ITGAM: variants seen among roughly 807,000 people sequenced by gnomAD.
The protein encoded by ITGAM is integrin alpha-M.
Under a neutral mutation model 137.5 loss-of-function variants are expected in ITGAM, and 79 were observed. The ratio of observed to expected loss-of-function variants is 0.57; its 90% CI spans 0.48 to 0.69. The LOEUF (loss-of-function observed/expected upper bound fraction) is 0.69, where lower values mean the gene tolerates loss of function less well. ITGAM is among the 30% of genes least tolerant of loss of function. The pLI, the probability that ITGAM is intolerant of heterozygous loss-of-function variation, is 0.00. For missense variants in ITGAM, 1,343 were observed against 1,483.5 expected, an observed-to-expected ratio of 0.91 and a Z score of 1.56; for synonymous variants, 583 against 592.3, an observed-to-expected ratio of 0.98 and a Z score of 0.23.
At chr16:31,265,717 C>G in intron 3 of ITGAM, 94 bp from the exon 4 acceptor site, 2 of 1,087,156 alleles carry the variant, frequency 1.8e-6, no homozygotes, top group Non-Finnish European at 2.7e-6. Flanking sequence ...GTCAGACCTC[C>G]TTGTCTCCCG....
At chr16:31,278,982 GCA>G (rs879649803) in intron 12 of ITGAM, among the ~76,000 whole-genome samples, 26,480 of 152,048 alleles carry the variant, frequency 0.17, 2,864 homozygotes, top group African/African-American at 0.3. Context: ...GTGAGAACAT[GCA>G]GTGTTTGGTT....
At chr16:31,297,374 A>G (rs1040367444) in intron 12 of ITGAM, 140 bp from the exon 13 acceptor site, 2 of 1,136,790 alleles carry the variant, frequency 1.8e-6, no homozygotes, top group Non-Finnish European at 2.5e-6. Flanking sequence ...TCAAGTGATA[A>G]TTTATCATGA....
At chr16:31,327,818 C>A (rs1219130433) in intron 22 of ITGAM, among the ~76,000 whole-genome samples, 1 of 151,842 alleles carries the variant, frequency 6.6e-6, no homozygotes, top group Non-Finnish European at 1.5e-5. Context: ...AAATGACTGA[C>A]GGGTGTTGTT....
intron 14 of ITGAM, among the ~76,000 whole-genome samples, chr16:31,310,083 T>C (rs1304095552): frequency 1.3e-5 from 2 of 150,926 alleles, no homozygotes; most frequent in Non-Finnish European, 1.5e-5. Flanking sequence ...CTGATGGGCT[T>C]CCCTTTGTGG....
intron 12 of ITGAM, among the ~76,000 whole-genome samples, chr16:31,282,538 A>C (rs1017158840): frequency 3.3e-5 from 5 of 152,186 alleles, no homozygotes; most frequent in Non-Finnish European, 7.4e-5. Context: ...CTAGGATTGC[A>C]ACCCCTGGTT....
chr16:31,321,042 G>A (rs2080443995), intron 14 of ITGAM, among the ~76,000 whole-genome samples, 199 bp from the exon 15 acceptor site: 1 of 152,152 alleles, frequency 6.6e-6, no homozygotes, highest in East Asian at 1.9e-4. Flanking sequence ...GAAATTGTAG[G>A]TATCCTCTTG....
In ITGAM at chr16:31,321,681, G is replaced by A. The variant is rs375011941; in HGVS notation, c.2002+54G>A. The A allele has an allele frequency of 5.8e-6, 9 of 1,562,592 alleles. No individual in the cohort carries two copies. The South Asian group carries it at 8.2e-5, about 14-fold the overall frequency. ...GTTAAACGACCGAGGACATGAATGG[G>A]TGCTGCAATCCACTCTGCCCAGCCT... On this transcript the variant is annotated intron_variant, in intron 16 of 29. Transcript: ENST00000544665.
intron 14 of ITGAM, among the ~76,000 whole-genome samples, chr16:31,316,951 T>C (rs8064069): frequency 1 from 152,320 of 152,340 alleles, 76,150 homozygotes; most frequent in Middle Eastern, 1. Flanking sequence ...TTGTATTCCA[T>C]GACTTTACTA....
rs2079763605 is a variant in ITGAM, at chr16:31,266,077, G to A, written c.357G>A (p.Val119=). ...VHQTCSENTY[V]KGLCFLFGSN... Reference sequence around the variant, plus strand: ...AGACTTGCAGTGAGAACACGTATGTGAAAGGGCTCTGCTTCCTGTTTGGAT... The same window carrying A: ...AGACTTGCAGTGAGAACACGTATGTAAAAGGGCTCTGCTTCCTGTTTGGAT... The change falls in exon 5 of 30, where the codon GTG becomes GTA. Residue 119 remains valine (V), a synonymous_variant. Transcript: ENST00000544665. The A allele has an allele frequency of 6.2e-7, 1 of 1,613,926 alleles. No homozygotes were observed. The highest frequency in any genetic ancestry group is 8.5e-7 in the Non-Finnish European group (1 of 1,179,892).
intron 23 of ITGAM, among the ~76,000 whole-genome samples, chr16:31,328,576 T>C (rs1163620818): frequency 6.6e-6 from 1 of 150,852 alleles, no homozygotes; most frequent in African/African-American, 2.4e-5. Flanking sequence ...TGTGCATGGG[T>C]GTGTATTTGT....
At position 31,297,729 on chromosome 16, in the gene ITGAM, T is replaced by C. The variant is rs962053504; in HGVS notation, c.1498-16T>C. Reference sequence around the variant, plus strand: ...GGTCGCCTGGGTTGGGGCCTGATACTGTTTGTGTTTAGCAGAGGGCTCGGT... The same window carrying C: ...GGTCGCCTGGGTTGGGGCCTGATACCGTTTGTGTTTAGCAGAGGGCTCGGT... On this transcript the variant is annotated splice_polypyrimidine_tract_variant and intron_variant, in intron 13 of 29. Transcript: ENST00000544665. 12 of 1,595,706 alleles carry C rather than the reference T, an allele frequency of 7.5e-6. No individual in the cohort carries two copies. The East Asian group carries it at 2.7e-4, about 36-fold the overall frequency.
At chr16:31,308,381 A>G (rs1167315479) in intron 14 of ITGAM, among the ~76,000 whole-genome samples, 1 of 151,702 alleles carries the variant, frequency 6.6e-6, no homozygotes, top group Non-Finnish European at 1.5e-5. Context: ...GTCTTGGGAG[A>G]GTGTATGTGT....
intron 12 of ITGAM, among the ~76,000 whole-genome samples, chr16:31,297,296 A>G (rs2080144218): frequency 6.6e-6 from 1 of 152,088 alleles, no homozygotes; most frequent in South Asian, 2.1e-4. Flanking sequence ...CCCCCCGAGG[A>G]GCTGGGATTA....
chr16:31,307,004 A>G (rs981157313), intron 14 of ITGAM, among the ~76,000 whole-genome samples: 1 of 152,194 alleles, frequency 6.6e-6, no homozygotes, highest in African/African-American at 2.4e-5. Context: ...TGTGTCACAA[A>G]AGAAAAAAAG....
chr16:31,297,740 AGCAGAGG>A lies in ITGAM; in HGVS notation c.1498-2_1502del. 6.3e-7 allele frequency: 1 copy of A among 1,594,716 alleles called. No homozygotes were observed. Among genetic ancestry groups the A allele is most frequent in the Non-Finnish European group, 8.5e-7 (1 of 1,172,418 alleles). ...TTGGGGCCTGATACTGTTTGTGTTT[AGCAGAGG>A]GCTCGGTGGCAGTGTGATGCTGTTC... On this transcript the variant is annotated splice_acceptor_variant and splice_polypyrimidine_tract_variant and coding_sequence_variant and intron_variant, in exon 14 of 30. Coordinates refer to ENST00000544665, the MANE Select transcript of ITGAM (RefSeq NM_000632.4). LOFTEE classifies it high-confidence loss of function.
At chr16:31,280,438 G>C (rs1159669576) in intron 12 of ITGAM, among the ~76,000 whole-genome samples, 7 of 152,222 alleles carry the variant, frequency 4.6e-5, no homozygotes, top group Middle Eastern at 3.4e-3. Flanking sequence ...AGTTCTCCTT[G>C]AAGAGGTCCT....
intron 2 of ITGAM, among the ~76,000 whole-genome samples, chr16:31,262,941 T>C (rs2079721751): frequency 1.3e-5 from 2 of 152,148 alleles, no homozygotes; most frequent in African/African-American, 2.4e-5. Flanking sequence ...GGAGATGCTA[T>C]AATTTATTTT....
At chr16:31,302,510 C>CT (rs1266389153) in intron 14 of ITGAM, among the ~76,000 whole-genome samples, 4 of 101,632 alleles carry the variant, frequency 3.9e-5, no homozygotes, top group African/African-American at 1.4e-4. Context: ...TTCTTTCTTT[C>CT]TTTTTTTTCT....
rs41408845 is a variant in ITGAM, at chr16:31,260,027, C to T, written c.-38C>T. On this transcript the variant is annotated 5_prime_UTR_variant, in exon 1 of 30. Coordinates refer to ENST00000544665, the MANE Select transcript of ITGAM (RefSeq NM_000632.4). ...GGTTCCTCAGTGGTGCCTGCAACCC[C>T]TGGTTCACCTCCTTCCAGGTTCTGG... 1.2e-3 allele frequency: 1,826 copies of T among 1,475,294 alleles called. 16 individuals are homozygous for T. In the African/African-American group the frequency reaches 0.022, roughly 18 times the overall value. 91.4% of individuals were successfully genotyped at this position (1,475,294 alleles called of 1,614,324 possible). A position where few individuals can be genotyped will look rare whatever the true frequency, so the allele number is the denominator to read the frequency against.
Sources: gnomAD v4.1 joint callset for allele counts (sites outside exome capture counted in the v4.1 genomes callset) on GRCh38, gnomAD v4.1.1 for gene constraint, MANE v1.5 for transcripts, NCBI Gene and HGNC (gene_info 2026-07-23, HGNC 2026-07-21) for gene names.